Variants in CEP295 observed in about 807,000 individuals in gnomAD.
CEP295 encodes the protein centrosomal protein 295, also known as centrosomal protein of 295 kDa.
CEP295 carries 190 observed loss-of-function variants against 291.6 expected under a neutral mutation model. The ratio of observed to expected loss-of-function variants is 0.65; its 90% CI spans 0.58 to 0.73. CEP295 has a LOEUF of 0.73. Among genes scored for constraint, CEP295 ranks in the 30% least tolerant of loss-of-function variants. CEP295 has a pLI of 0.00. For missense variants in CEP295, 2,863 were observed against 2,949.4 expected (o/e 0.97, Z 0.68); for synonymous variants, 993 against 1,038.8 (o/e 0.96, Z 0.85).
chr11:93,695,162 T>C (rs770760327), intron 12 of CEP295, among the ~76,000 whole-genome samples: 1 of 152,244 alleles, frequency 6.6e-6, no homozygotes, highest in African/African-American at 2.4e-5. Context: ...GAACATAGAA[T>C]TTGGCTGTAC....
chr11:93,713,466 G>A (rs867286252), intron 18 of CEP295, among the ~76,000 whole-genome samples: 5 of 152,064 alleles, frequency 3.3e-5, no homozygotes, highest in East Asian at 1.9e-4. Context: ...TGCCAGATCC[G>A]CACTTTTAAT....
At chr11:93,728,431 A>T (rs1218184165) in intron 24 of CEP295, 1 of 342,984 alleles carries the variant, frequency 2.9e-6, no homozygotes, top group Non-Finnish European at 5.3e-6. Flanking sequence ...ATTGTGGTAG[A>T]TACCTTTCAG....
At chr11:93,721,911 A>C in intron 19 of CEP295, 43 bp from the exon 20 acceptor site, 1 of 1,386,186 alleles carries the variant, frequency 7.2e-7, no homozygotes, top group Non-Finnish European at 1.0e-6. Flanking sequence ...TTTCTTACAT[A>C]CTACTTGCTA....
intron 18 of CEP295, among the ~76,000 whole-genome samples, chr11:93,712,402 C>T (rs964124154): frequency 4.0e-5 from 6 of 151,898 alleles, no homozygotes; most frequent in African/African-American, 1.2e-4. Context: ...TACAGGCATG[C>T]GCCACCACAC....
chr11:93,730,121 C>T lies in CEP295; in HGVS notation c.7740C>T (p.Asn2580=). ...EKTKQEAYAQ[N]RARAKEFHKK... is the part of the protein sequence containing the mutation. ...CAAAACAAGAAGCTTATGCCCAAAA[C>T]AGAGCAAGGGCAAAAGAATTCCATA... The change falls in exon 29 of 30, where the codon AAC becomes AAT. Residue 2580 remains asparagine, a synonymous_variant. Coordinates refer to ENST00000325212, the MANE Select transcript of CEP295 (RefSeq NM_033395.2). 2 of 1,550,776 alleles carry T rather than the reference C, an allele frequency of 1.3e-6. No homozygotes were observed. The highest frequency in any genetic ancestry group is 1.7e-6 in the Non-Finnish European group (2 of 1,146,790).
At chr11:93,713,516 A>C (rs1953049115) in intron 18 of CEP295, among the ~76,000 whole-genome samples, 1 of 152,200 alleles carries the variant, frequency 6.6e-6, no homozygotes, top group African/African-American at 2.4e-5. Context: ...GGTTTCCTGA[A>C]AAGTCTGCTG....
At chr11:93,704,224 T>C (rs1387745849) in intron 17 of CEP295, among the ~76,000 whole-genome samples, 3 of 152,196 alleles carry the variant, frequency 2.0e-5, no homozygotes, top group Non-Finnish European at 4.4e-5. Context: ...ACTTAGAAGT[T>C]GTATCCCCAT....
At chr11:93,682,603 AAAAACCGTGCAATCTCACTGC>A (rs1951029568) in intron 7 of CEP295, among the ~76,000 whole-genome samples, 1 of 152,158 alleles carries the variant, frequency 6.6e-6, no homozygotes. Context: ...TGTTAAAAAA[AAAAACCGTGCAATCTCACTGC>A]TAATAGAGGA....
rs760148942 is a variant in CEP295, at chr11:93,725,826, T to C, written c.6494T>C (p.Ile2165Thr). 43 of 1,550,298 alleles carry C rather than the reference T, an allele frequency of 2.8e-5. No individual in the cohort carries two copies. The highest frequency in any genetic ancestry group is 5.5e-5 in the African/African-American group (4 of 72,992). The change falls in exon 23 of 30, where the codon ATT becomes ACT. Residue 2165 changes from isoleucine to threonine, a missense_variant. Around this residue, in one of 3 missense-constraint regions of CEP295, gnomAD observed 2,295 missense variants for 2,335.7 expected, o/e 0.98. Transcript: ENST00000325212. ...GAHSFATENI[I>T]GGSEQCFEQL... The stretch of plus-strand genomic sequence containing the variant: ...CACAGTTTTGCTACAGAAAATATTA[T>C]TGGGGGTATGTATGACTAAGTTAGA...
chr11:93,683,035 T>C (rs1734525024), intron 7 of CEP295, among the ~76,000 whole-genome samples: 1 of 152,198 alleles, frequency 6.6e-6, no homozygotes, highest in Non-Finnish European at 1.5e-5. Context: ...CTCTTTAAGC[T>C]TAAAGAAATA....
Position 93,711,826 on chromosome 11 carries a change from G to GT in CEP295, c.5749+4942dup, listed in dbSNP as rs200548650. ...ACTCCTGGGCTATTTAAGTTTGTTT[G>GT]TTTTTTTTTTTTTAATGTTTTAAGC... is the stretch of plus-strand genomic sequence containing the variant. On this transcript the variant is annotated intron_variant, in intron 18 of 29. Coordinates refer to ENST00000325212, the MANE Select transcript of CEP295 (RefSeq NM_033395.2). Among the ~76,000 whole-genome samples the GT allele has an allele frequency of 8.6e-3, 1,208 of 141,258 alleles. 11 individuals carry two copies. Among genetic ancestry groups the GT allele is most frequent in the African/African-American group, 0.017 (672 of 38,736 alleles). The allele number at this position is 141,258 out of a possible 152,430, so 92.7% of individuals were successfully genotyped here.
In CEP295 at chr11:93,727,053, A is replaced by AT; in HGVS notation, c.6582dup (p.Ser2195Ter). On this transcript the variant is annotated frameshift_variant, in exon 24 of 30. Coordinates refer to ENST00000325212, the MANE Select transcript of CEP295 (RefSeq NM_033395.2). LOFTEE classifies it high-confidence loss of function. The stretch of plus-strand genomic sequence containing the variant: ...GAGCCAGCATGCTGATCTACCAAGT[A>AT]TTTTTAGCATTGAAGCAAGAGATTC... 1 of 1,551,790 alleles carries AT rather than the reference A, an allele frequency of 6.4e-7. No individual in the cohort carries two copies. Among genetic ancestry groups the AT allele is most frequent in the East Asian group, 2.4e-5 (1 of 40,900 alleles).
intron 15 of CEP295, among the ~76,000 whole-genome samples, chr11:93,702,239 G>A (rs924814829): frequency 1.3e-5 from 2 of 152,304 alleles, no homozygotes; most frequent in East Asian, 3.9e-4. Flanking sequence ...GATTGCAGGC[G>A]TGAGCCACCG....
At chr11:93,717,206 C>G (rs1215339077) in intron 18 of CEP295, among the ~76,000 whole-genome samples, 1 of 152,136 alleles carries the variant, frequency 6.6e-6, no homozygotes, top group Non-Finnish European at 1.5e-5. Flanking sequence ...GTGGTGAGGA[C>G]AGTTGGTGGA....
intron 12 of CEP295, among the ~76,000 whole-genome samples, chr11:93,694,290 T>C (rs1951741574): frequency 6.6e-6 from 1 of 152,232 alleles, no homozygotes. Context: ...ATCCACAGTG[T>C]ATATGTTCCA....
intron 6 of CEP295, 111 bp downstream of exon 6, chr11:93,675,777 A>T (rs1950659306): frequency 1.8e-6 from 1 of 541,658 alleles, no homozygotes; most frequent in East Asian, 3.7e-5. Flanking sequence ...AATTTGGACA[A>T]TTGATAATAA....
intron 24 of CEP295, chr11:93,728,168 G>C: frequency 6.5e-6 from 1 of 154,952 alleles, no homozygotes; most frequent in East Asian, 1.9e-4. Flanking sequence ...TCATCTAGCA[G>C]TATGTGCAGT....
chr11:93,730,116 CA>C lies in CEP295; in HGVS notation c.7739del (p.Asn2580ThrfsTer13), dbSNP rs1938238358. 1 of 1,550,670 alleles carries C rather than the reference CA, an allele frequency of 6.4e-7. No homozygotes were observed. Among genetic ancestry groups the C allele is most frequent in the Non-Finnish European group, 8.7e-7 (1 of 1,146,784 alleles). On this transcript the variant is annotated frameshift_variant, in exon 29 of 30. Transcript: ENST00000325212. LOFTEE classifies it high-confidence loss of function. ...AAAAACAAAACAAGAAGCTTATGCC[CA>C]AAACAGAGCAAGGGCAAAAGAATTC... Reference protein sequence around the residue: ...EEKTKQEAYAQNRARAKEFHK... With the variant: ...EEKTKQEAYAXNRARAKEFHK...
At chr11:93,725,583 C>G (rs1954080662) in intron 22 of CEP295, 68 bp from the exon 23 acceptor site, 3 of 1,264,284 alleles carry the variant, frequency 2.4e-6, no homozygotes. Context: ...CAAAGGAACA[C>G]AATGATTATT....
Sources: gnomAD v4.1 joint callset for allele counts (sites outside exome capture counted in the v4.1 genomes callset) on GRCh38, gnomAD v4.1.1 for gene constraint, gnomAD v4.1.1 regional missense constraint, MANE v1.5 for transcripts, NCBI Gene and HGNC (gene_info 2026-07-23, HGNC 2026-07-21) for gene names.